The following PHACTR1 variants were observed in gnomAD, a reference collection of about 807,000 sequenced individuals.
The protein encoded by PHACTR1 is RPEL repeat containing 1.
PHACTR1 carries 16 observed loss-of-function variants against 69.2 expected under a neutral mutation model. The observed-to-expected ratio is 0.23, with a 90% confidence interval of 0.16 to 0.35. PHACTR1 has a LOEUF of 0.35. Ranked by LOEUF, PHACTR1 falls within the 10% of genes least tolerant of loss-of-function variation. The pLI, the probability that PHACTR1 is intolerant of heterozygous loss-of-function variation, is 1.00. For missense variants in PHACTR1, 510 were observed against 734.7 expected, an observed-to-expected ratio of 0.69 and a Z score of 3.54; for synonymous variants, 312 against 284.5, an observed-to-expected ratio of 1.10 and a Z score of -0.97.
intron 4 of PHACTR1, among the ~76,000 whole-genome samples, chr6:12,847,082 G>T (rs1409215460): frequency 6.6e-6 from 1 of 152,142 alleles, no homozygotes; most frequent in Non-Finnish European, 1.5e-5. Context: ...CTCCCAAAGG[G>T]CTGGGATTAT....
At chr6:12,944,243 C>T (rs1025338422) in intron 4 of PHACTR1, among the ~76,000 whole-genome samples, 4 of 152,128 alleles carry the variant, frequency 2.6e-5, no homozygotes, top group Admixed American at 1.3e-4. Context: ...CTGAGAGAGA[C>T]GCTGAGTCCA....
intron 5 of PHACTR1, among the ~76,000 whole-genome samples, chr6:13,153,015 C>CAG (rs1757656759): frequency 1.3e-5 from 2 of 152,036 alleles, no homozygotes; most frequent in Non-Finnish European, 2.9e-5. Context: ...TGCACAGCGA[C>CAG]TGGGAATGTA....
rs536881718 is a variant in PHACTR1, at chr6:13,218,853, A to AAAGAGAAGAGAAGAGAAGAGAAGAG, written c.987-8925_987-8901dup. On this transcript the variant is annotated intron_variant, in intron 8 of 14. Transcript: ENST00000332995. ...GAAAAAGAGGAGGAGGAGGAGGAGGAAAGAGAAGAGAAGAGAAGAGAAGAG... is the reference window on the plus strand; with the variant it reads ...GAAAAAGAGGAGGAGGAGGAGGAGGAAAGAGAAGAGAAGAGAAGAGAAGAGAAGAGAAGAGAAGAGAAGAGAAGAG... 3.0e-3 allele frequency among the ~76,000 whole-genome samples: 426 copies of AAAGAGAAGAGAAGAGAAGAGAAGAG among 142,504 alleles called. 4 individuals are homozygous for AAAGAGAAGAGAAGAGAAGAGAAGAG. The highest frequency in any genetic ancestry group is 0.017 in the East Asian group (73 of 4,422). The allele number at this position is 142,504 out of a possible 152,430, so 93.5% of individuals were successfully genotyped here.
chr6:12,723,878 G>T (rs1429092220), intron 3 of PHACTR1, among the ~76,000 whole-genome samples: 1 of 152,188 alleles, frequency 6.6e-6, no homozygotes, highest in Non-Finnish European at 1.5e-5. Context: ...GCCCCCACGA[G>T]ATTCAAATGT....
intron 4 of PHACTR1, among the ~76,000 whole-genome samples, chr6:12,834,854 G>A (rs1777977587): frequency 6.6e-6 from 1 of 152,098 alleles, no homozygotes. Context: ...TAGGTTGCTA[G>A]AACAATGTAG....
chr6:12,969,704 G>A (rs987897689), intron 4 of PHACTR1, among the ~76,000 whole-genome samples: 4 of 152,244 alleles, frequency 2.6e-5, no homozygotes, highest in South Asian at 2.1e-4. Flanking sequence ...GCTCACGCCT[G>A]TAATCCCAGC....
At chr6:12,844,169 A>T (rs916974715) in intron 4 of PHACTR1, among the ~76,000 whole-genome samples, 5 of 152,180 alleles carry the variant, frequency 3.3e-5, no homozygotes, top group South Asian at 2.1e-4. Context: ...CTGAGGCAGG[A>T]TAACCACTTG....
At chr6:13,175,558 G>C (rs1761208449) in intron 6 of PHACTR1, among the ~76,000 whole-genome samples, 1 of 152,168 alleles carries the variant, frequency 6.6e-6, no homozygotes, top group Non-Finnish European at 1.5e-5. Flanking sequence ...GCGCTCACCA[G>C]CACACCTCTG....
At chr6:12,990,821 G>A (rs1013306677) in intron 4 of PHACTR1, among the ~76,000 whole-genome samples, 9 of 152,184 alleles carry the variant, frequency 5.9e-5, no homozygotes, top group Non-Finnish European at 1.2e-4. Context: ...AGCTGGAGAG[G>A]GGATGGTGTA....
chr6:12,928,340 C>T (rs1030733701), intron 4 of PHACTR1, among the ~76,000 whole-genome samples: 4 of 152,120 alleles, frequency 2.6e-5, no homozygotes, highest in Non-Finnish European at 5.9e-5. Flanking sequence ...AACGAAACCC[C>T]TCAAAATGCC....
At chr6:12,948,119 T>TC (rs1422308625) in intron 4 of PHACTR1, among the ~76,000 whole-genome samples, 3 of 152,202 alleles carry the variant, frequency 2.0e-5, no homozygotes, top group African/African-American at 7.2e-5. Context: ...GCTGGATGGT[T>TC]CTGCATCATT....
intron 9 of PHACTR1, 81 bp from the exon 10 acceptor site, chr6:13,229,956 G>C: frequency 7.0e-7 from 1 of 1,437,894 alleles, no homozygotes; most frequent in Non-Finnish European, 9.2e-7. Flanking sequence ...TTCCTGCCTT[G>C]TATCTTATGA....
chr6:12,845,654 C>A (rs1309904774), intron 4 of PHACTR1, among the ~76,000 whole-genome samples: 2 of 152,074 alleles, frequency 1.3e-5, no homozygotes, highest in African/African-American at 2.4e-5. Flanking sequence ...GAGGTTAATG[C>A]ATCTCTTTAG....
intron 4 of PHACTR1, among the ~76,000 whole-genome samples, chr6:12,883,381 A>G (rs1357846548): frequency 6.6e-6 from 1 of 151,868 alleles, no homozygotes; most frequent in African/African-American, 2.4e-5. Context: ...CGCCCAGCTA[A>G]TTTTTGTATT....
chr6:13,187,588 G>A (rs528083472), intron 7 of PHACTR1, among the ~76,000 whole-genome samples: 5 of 152,322 alleles, frequency 3.3e-5, no homozygotes, highest in African/African-American at 1.2e-4. Context: ...GCAGAGGAGT[G>A]ATATGATGAA....
intron 5 of PHACTR1, among the ~76,000 whole-genome samples, chr6:13,131,208 T>TACACAC (rs56329629): frequency 0.019 from 2,759 of 146,308 alleles, 37 homozygotes; most frequent in African/African-American, 0.032. Context: ...TATATACACA[T>TACACAC]ACACACACAC....
chr6:12,837,048 T>C (rs1285646099), intron 4 of PHACTR1, among the ~76,000 whole-genome samples: 1 of 152,152 alleles, frequency 6.6e-6, no homozygotes, highest in Non-Finnish European at 1.5e-5. Context: ...TCCTCCCATC[T>C]CTTTGCTCAG....
At chr6:13,199,004 T>C (rs1020213396) in intron 7 of PHACTR1, among the ~76,000 whole-genome samples, 19 of 152,314 alleles carry the variant, frequency 1.2e-4, no homozygotes, top group African/African-American at 4.6e-4. Flanking sequence ...TGGGCACCAC[T>C]GTGGACTTAT....
intron 12 of PHACTR1, among the ~76,000 whole-genome samples, 166 bp downstream of exon 12, chr6:13,278,495 A>C (rs1454463293): frequency 6.6e-6 from 1 of 152,040 alleles, no homozygotes; most frequent in Non-Finnish European, 1.5e-5. Flanking sequence ...CAGCTTCATG[A>C]CCCTCAGTCC....
Sources: gnomAD v4.1 joint callset for allele counts (sites outside exome capture counted in the v4.1 genomes callset) on GRCh38, gnomAD v4.1.1 for gene constraint, MANE v1.5 for transcripts, NCBI Gene and HGNC (gene_info 2026-07-23, HGNC 2026-07-21) for gene names.